The following COL25A1 variants were observed in gnomAD, a reference collection of about 807,000 sequenced individuals.
COL25A1 encodes collagen type XXV alpha 1 chain.
A neutral mutation model predicts 128.4 loss-of-function variants in COL25A1; 103 were observed. The ratio of observed to expected loss-of-function variants is 0.80; its 90% CI spans 0.68 to 0.94. The LOEUF is 0.94. COL25A1 is among the 40% of genes least tolerant of loss of function. COL25A1 has a pLI of 0.00. For missense variants in COL25A1, 745 were observed against 840.0 expected (o/e 0.89, Z 1.40); for synonymous variants, 279 against 277.2 (o/e 1.01, Z -0.06).
chr4:109,138,025 T>A (rs533632020), intron 3 of COL25A1, among the ~76,000 whole-genome samples: 1 of 151,540 alleles, frequency 6.6e-6, no homozygotes, highest in East Asian at 1.9e-4. Flanking sequence ...TTGGGATACA[T>A]GTGCAGAACA....
intron 3 of COL25A1, among the ~76,000 whole-genome samples, chr4:109,206,267 G>GA (rs765741564): frequency 2.6e-5 from 4 of 152,000 alleles, no homozygotes; most frequent in Admixed American, 6.6e-5. Flanking sequence ...TATTCAGAGA[G>GA]AAAAACACTA....
chr4:108,865,705 ATAATT>A (rs1057225844), intron 20 of COL25A1, among the ~76,000 whole-genome samples: 1 of 152,250 alleles, frequency 6.6e-6, no homozygotes, highest in African/African-American at 2.4e-5. Context: ...ACCCTTAAAA[ATAATT>A]TATCTGTAGT....
rs539029083 is a variant in COL25A1, at chr4:108,867,080, C to T, written c.1083+2008G>A. On this transcript the variant is annotated intron_variant, in intron 20 of 37. Coordinates refer to ENST00000399132, the MANE Select transcript of COL25A1 (RefSeq NM_198721.4). ...AACAGTAATTAATGTGGATTTTATG[C>T]CTCTACATCTGGAAATTTTTCTGAA... Among the ~76,000 whole-genome samples, 3 of 152,232 alleles carry T rather than the reference C, an allele frequency of 2.0e-5. No individual in the cohort carries two copies. In the East Asian group the frequency reaches 5.8e-4, roughly 29 times the overall value.
chr4:108,863,839 T>C (rs1467171252), intron 20 of COL25A1, among the ~76,000 whole-genome samples: 1 of 152,194 alleles, frequency 6.6e-6, no homozygotes, highest in African/African-American at 2.4e-5. Flanking sequence ...TCTCTGGCCT[T>C]TGGATTTTGG....
chr4:109,148,999 A>G (rs1380127197), intron 3 of COL25A1, among the ~76,000 whole-genome samples: 3 of 152,200 alleles, frequency 2.0e-5, no homozygotes, highest in Non-Finnish European at 4.4e-5. Context: ...AAAACACAAG[A>G]TAAGTCAACT....
At chr4:108,949,389 C>T (rs1332162070) in intron 8 of COL25A1, among the ~76,000 whole-genome samples, 8 of 152,160 alleles carry the variant, frequency 5.3e-5, no homozygotes, top group Non-Finnish European at 2.9e-5. Context: ...TTAATCCTCA[C>T]ACCAACTACT....
chr4:109,286,252 T>C (rs990629066), intron 3 of COL25A1, among the ~76,000 whole-genome samples: 1 of 152,202 alleles, frequency 6.6e-6, no homozygotes, highest in South Asian at 2.1e-4. Context: ...TTTTGTTATA[T>C]GCATGGAATC....
intron 3 of COL25A1, among the ~76,000 whole-genome samples, chr4:109,299,794 T>C (rs1478217030): frequency 2.6e-5 from 4 of 152,160 alleles, no homozygotes; most frequent in Non-Finnish European, 5.9e-5. Context: ...ATGTTTCCAA[T>C]GGCCATATTC....
At chr4:108,894,583 CTTGT>C (rs1288002949) in intron 16 of COL25A1, among the ~76,000 whole-genome samples, 7 of 152,140 alleles carry the variant, frequency 4.6e-5, no homozygotes, top group African/African-American at 1.7e-4. Context: ...AGCCTACTCA[CTTGT>C]TTATGTATTG....
chr4:108,966,267 T>C (rs1415015627), intron 8 of COL25A1, among the ~76,000 whole-genome samples: 3 of 152,210 alleles, frequency 2.0e-5, no homozygotes, highest in Non-Finnish European at 4.4e-5. Context: ...TCATATGTTT[T>C]CTGTTGGGTT....
At chr4:109,083,351 T>C (rs925319471) in intron 3 of COL25A1, among the ~76,000 whole-genome samples, 1 of 151,976 alleles carries the variant, frequency 6.6e-6, no homozygotes, top group Non-Finnish European at 1.5e-5. Flanking sequence ...CATAACAATT[T>C]TATTACTCCA....
At position 108,827,121 on chromosome 4, in the gene COL25A1, G is replaced by C; in HGVS notation, c.1764+14C>G. The C allele has an allele frequency of 6.2e-7, 1 of 1,612,724 alleles. No homozygotes were observed. The highest frequency in any genetic ancestry group is 8.5e-7 in the Non-Finnish European group (1 of 1,179,084). On this transcript the variant is annotated intron_variant, in intron 33 of 37. Coordinates refer to ENST00000399132, the MANE Select transcript of COL25A1 (RefSeq NM_198721.4). Reference sequence around the variant, plus strand: ...ATGCGGAAGGTGGGGAGGTGCATGTGACCAGGAACTCACAGGCAGCCCATA... The same window carrying C: ...ATGCGGAAGGTGGGGAGGTGCATGTCACCAGGAACTCACAGGCAGCCCATA...
intron 3 of COL25A1, among the ~76,000 whole-genome samples, chr4:109,174,744 A>G (rs1159944245): frequency 6.6e-6 from 1 of 152,244 alleles, no homozygotes; most frequent in African/African-American, 2.4e-5. Flanking sequence ...CAATTAAAAC[A>G]GCAACTTTAT....
intron 17 of COL25A1, among the ~76,000 whole-genome samples, 161 bp from the exon 18 acceptor site, chr4:108,889,417 ATT>A (rs34358532): frequency 0.37 from 48,793 of 130,414 alleles, 8,382 homozygotes; most frequent in East Asian, 0.65. Flanking sequence ...AGACATACGG[ATT>A]TTTTTTTTTT....
At chr4:109,187,141 T>C (rs1369595826) in intron 3 of COL25A1, among the ~76,000 whole-genome samples, 1 of 148,716 alleles carries the variant, frequency 6.7e-6, no homozygotes, top group African/African-American at 2.4e-5. Flanking sequence ...CATGCGATTA[T>C]ACCTTTTTTT....
intron 3 of COL25A1, among the ~76,000 whole-genome samples, chr4:109,254,454 C>T: frequency 1.2e-5 from 1 of 84,762 alleles, no homozygotes; most frequent in Non-Finnish European, 2.3e-5. Context: ...GTGCTATGTA[C>T]ATGTAGGCAT....
intron 3 of COL25A1, among the ~76,000 whole-genome samples, chr4:109,169,267 C>G (rs1773361864): frequency 6.6e-6 from 1 of 152,160 alleles, no homozygotes; most frequent in South Asian, 2.1e-4. Context: ...AAATTCTCTA[C>G]TCCTCCATTC....
chr4:109,101,430 G>C (rs964129151), intron 3 of COL25A1, among the ~76,000 whole-genome samples: 4 of 152,174 alleles, frequency 2.6e-5, no homozygotes, highest in African/African-American at 9.7e-5. Context: ...AGCCTATCTG[G>C]CCTTGTGGAA....
chr4:109,183,665 G>GA (rs1245874630), intron 3 of COL25A1, among the ~76,000 whole-genome samples: 1 of 151,862 alleles, frequency 6.6e-6, no homozygotes, highest in Non-Finnish European at 1.5e-5. Flanking sequence ...TGATTAATGT[G>GA]AAAAAATGCT....
Sources: gnomAD v4.1 joint callset for allele counts (sites outside exome capture counted in the v4.1 genomes callset) on GRCh38, gnomAD v4.1.1 for gene constraint, MANE v1.5 for transcripts, NCBI Gene and HGNC (gene_info 2026-07-23, HGNC 2026-07-21) for gene names.